PTPRD: variants seen among roughly 807,000 people sequenced by gnomAD.
The protein encoded by PTPRD is receptor-type tyrosine-protein phosphatase delta.
PTPRD carries 34 observed loss-of-function variants against 214.5 expected under a neutral mutation model. The ratio of observed to expected loss-of-function variants is 0.16; its 90% confidence interval spans 0.12 to 0.21. The LOEUF is 0.21. Among genes scored for constraint, PTPRD ranks in the 10% least tolerant of loss-of-function variants. PTPRD has a pLI of 1.00. For missense variants in PTPRD, 2,545 were observed against 2,398.7 expected (o/e 1.06, Z -1.27); for synonymous variants, 1,128 against 845.7 (o/e 1.33, Z -5.79).
intron 8 of PTPRD, among the ~76,000 whole-genome samples, chr9:9,572,478 G>C (rs1259861050): frequency 6.6e-6 from 1 of 150,376 alleles, no homozygotes; most frequent in Non-Finnish European, 1.5e-5. Context: ...AATTGATTCT[G>C]AATTTTAAGA....
intron 11 of PTPRD, among the ~76,000 whole-genome samples, chr9:8,919,849 T>C (rs752558747): frequency 2.0e-5 from 3 of 150,806 alleles, no homozygotes; most frequent in East Asian, 1.9e-4. Flanking sequence ...CGTGCATGTA[T>C]CATGCATACA....
At chr9:10,011,589 G>T (rs535672513) in intron 4 of PTPRD, among the ~76,000 whole-genome samples, 1 of 151,842 alleles carries the variant, frequency 6.6e-6, no homozygotes, top group Non-Finnish European at 1.5e-5. Context: ...TAAATACCCA[G>T]TGCAAGATTG....
intron 2 of PTPRD, among the ~76,000 whole-genome samples, chr9:10,549,539 C>T (rs928366989): frequency 2.4e-4 from 37 of 152,210 alleles, no homozygotes; most frequent in African/African-American, 7.0e-4. Context: ...GGAGTATGTA[C>T]GTAGCAATAT....
At chr9:8,376,292 T>G (rs2134870667) in intron 38 of PTPRD, among the ~76,000 whole-genome samples, 1 of 152,196 alleles carries the variant, frequency 6.6e-6, no homozygotes, top group South Asian at 2.1e-4. Context: ...GACAAAATTC[T>G]TAGGTGAGAA....
intron 8 of PTPRD, among the ~76,000 whole-genome samples, chr9:9,472,543 G>C (rs1376146519): frequency 6.6e-6 from 1 of 152,108 alleles, no homozygotes; most frequent in Admixed American, 6.5e-5. Context: ...TCACATACTT[G>C]AGGGAACCAA....
intron 7 of PTPRD, among the ~76,000 whole-genome samples, chr9:9,646,062 A>G (rs781004361): frequency 6.6e-6 from 1 of 152,150 alleles, no homozygotes; most frequent in African/African-American, 2.4e-5. Flanking sequence ...GTTTATTTGT[A>G]TTTAATACAC....
chr9:10,245,739 T>C (rs1195857923), intron 3 of PTPRD, among the ~76,000 whole-genome samples: 1 of 152,096 alleles, frequency 6.6e-6, no homozygotes, highest in Non-Finnish European at 1.5e-5. Context: ...TATGTGTGTG[T>C]ATTGGGACAG....
chr9:9,525,500 C>T (rs1233075867), intron 8 of PTPRD, among the ~76,000 whole-genome samples: 2 of 151,964 alleles, frequency 1.3e-5, no homozygotes, highest in Admixed American at 6.5e-5. Context: ...TGGAATGCCC[C>T]ATAAAGAAAA....
At chr9:9,333,529 G>T (rs2043207696) in intron 9 of PTPRD, among the ~76,000 whole-genome samples, 1 of 126,092 alleles carries the variant, frequency 7.9e-6, no homozygotes, top group African/African-American at 4.6e-5. Flanking sequence ...TATATATAAA[G>T]TCTGCAATGC....
rs996836078 is a variant in PTPRD at position 8,518,462 on chromosome 9, C to T, written c.962-33G>A. On this transcript the variant is annotated intron_variant, in intron 20 of 45. Transcript: ENST00000381196. The stretch of plus-strand genomic sequence containing the variant: ...GGGGGAAGATAAAAGACAATGACTA[C>T]CCATCATCCCTATAATATTTCAAAA... 3 of 1,409,548 alleles carry T rather than the reference C, an allele frequency of 2.1e-6. No homozygotes were observed. The South Asian group carries it at 4.0e-5, about 19-fold the overall frequency. 87.3% of individuals were successfully genotyped at this position (1,409,548 alleles called of 1,614,324 possible). A position where few individuals can be genotyped will look rare whatever the true frequency, so the allele number is the denominator to read the frequency against.
chr9:9,164,927 C>T (rs566169668), intron 10 of PTPRD, among the ~76,000 whole-genome samples: 2 of 151,906 alleles, frequency 1.3e-5, no homozygotes, highest in Non-Finnish European at 2.9e-5. Flanking sequence ...GTGGTGCACA[C>T]CTGTAATCCC....
intron 9 of PTPRD, among the ~76,000 whole-genome samples, chr9:9,270,041 T>C (rs1942173446): frequency 6.6e-6 from 1 of 150,742 alleles, no homozygotes; most frequent in Non-Finnish European, 1.5e-5. Flanking sequence ...TAATAATGTG[T>C]TATATACTGG....
chr9:9,348,565 G>A (rs994635315), intron 9 of PTPRD, among the ~76,000 whole-genome samples: 1 of 152,062 alleles, frequency 6.6e-6, no homozygotes, highest in African/African-American at 2.4e-5. Context: ...CATCTGAAGT[G>A]GGAAAAGCAC....
chr9:9,686,176 C>T (rs368661595), intron 7 of PTPRD, among the ~76,000 whole-genome samples: 23 of 151,214 alleles, frequency 1.5e-4, no homozygotes, highest in African/African-American at 5.3e-4. Context: ...TCAAATGTTA[C>T]GTATATAATT....
At chr9:9,351,957 G>A (rs554999117) in intron 9 of PTPRD, among the ~76,000 whole-genome samples, 3 of 151,932 alleles carry the variant, frequency 2.0e-5, no homozygotes, top group Non-Finnish European at 4.4e-5. Context: ...AGAATCATAT[G>A]ATTCATATTT....
intron 10 of PTPRD, among the ~76,000 whole-genome samples, chr9:9,072,466 T>C (rs982793360): frequency 4.6e-5 from 7 of 152,208 alleles, no homozygotes; most frequent in Admixed American, 6.5e-5. Context: ...TGGCATCCTC[T>C]GCTACTTCGT....
chr9:9,078,773 G>A (rs1027926639), intron 10 of PTPRD, among the ~76,000 whole-genome samples: 3 of 152,038 alleles, frequency 2.0e-5, no homozygotes, highest in Admixed American at 6.6e-5. Flanking sequence ...TCTGGAGCTG[G>A]GATGGCCCTT....
intron 2 of PTPRD, among the ~76,000 whole-genome samples, chr9:10,481,836 C>T (rs1162491626): frequency 6.6e-6 from 1 of 152,114 alleles, no homozygotes; most frequent in Non-Finnish European, 1.5e-5. Flanking sequence ...TATATTTTCT[C>T]ATCTTTTAAG....
At chr9:8,802,668 T>G (rs771690129) in intron 11 of PTPRD, among the ~76,000 whole-genome samples, 5 of 152,194 alleles carry the variant, frequency 3.3e-5, no homozygotes, top group Non-Finnish European at 4.4e-5. Flanking sequence ...ATGTTTTTAT[T>G]CGGAAAAGGC....
Sources: allele counts gnomAD v4.1 joint callset (sites outside exome capture counted in the v4.1 genomes callset), GRCh38; gene constraint gnomAD v4.1.1; transcripts MANE v1.5; gene names NCBI Gene and HGNC (gene_info 2026-07-23, HGNC 2026-07-21).